Variants in LTN1 observed in about 807,000 individuals in gnomAD.
LTN1 encodes the protein E3 ubiquitin-protein ligase listerin.
LTN1 carries 88 observed loss-of-function variants against 201.2 expected under a neutral mutation model. The observed-to-expected ratio is 0.44, with a 90% CI of 0.37 to 0.52. The LOEUF (loss-of-function observed/expected upper bound fraction) is 0.52, where lower values mean the gene tolerates loss of function less well. Among genes scored for constraint, LTN1 ranks in the 20% least tolerant of loss-of-function variants. LTN1 has a pLI of 0.00. For missense variants in LTN1, 1,752 were observed against 2,038.7 expected, an observed-to-expected ratio of 0.86 and a Z score of 2.71; for synonymous variants, 645 against 713.5, an observed-to-expected ratio of 0.90 and a Z score of 1.53.
chr21:28,988,458 C>T (rs2084718275), intron 1 of LTN1, among the ~76,000 whole-genome samples: 1 of 144,890 alleles, frequency 6.9e-6, no homozygotes, highest in African/African-American at 2.7e-5. Context: ...CAGAGCGAGG[C>T]TCTGTCTCAA....
intron 3 of LTN1, 79 bp from the exon 4 acceptor site, chr21:28,985,001 G>A: frequency 1.1e-6 from 1 of 942,220 alleles, no homozygotes; most frequent in Non-Finnish European, 1.6e-6. Flanking sequence ...ATGCTATAAT[G>A]ACCCATTACC....
At chr21:28,990,962 A>G (rs1047152388) in intron 1 of LTN1, among the ~76,000 whole-genome samples, 1 of 151,734 alleles carries the variant, frequency 6.6e-6, no homozygotes, top group African/African-American at 2.4e-5. Flanking sequence ...CCTGGGCAAC[A>G]TGGCAAAACT....
chr21:28,945,724 A>T, intron 21 of LTN1, 83 bp downstream of exon 21: 3 of 1,263,728 alleles, frequency 2.4e-6, no homozygotes, highest in Non-Finnish European at 3.3e-6. Context: ...ATCATCACTT[A>T]AAGAATGAGA....
intron 18 of LTN1, among the ~76,000 whole-genome samples, chr21:28,949,494 G>A (rs984805039): frequency 1.3e-5 from 2 of 152,012 alleles, no homozygotes; most frequent in African/African-American, 2.4e-5. Flanking sequence ...CCACTAACAC[G>A]AATGCTCCAT....
chr21:28,935,008 T>C, intron 27 of LTN1, 101 bp downstream of exon 27: 1 of 813,070 alleles, frequency 1.2e-6, no homozygotes, highest in Non-Finnish European at 2.0e-6. Context: ...CCAGTTTCTA[T>C]AAATTCTGAG....
intron 14 of LTN1, among the ~76,000 whole-genome samples, chr21:28,958,165 C>G (rs2084442035): frequency 2.6e-5 from 4 of 151,954 alleles, no homozygotes; most frequent in Admixed American, 2.0e-4. Flanking sequence ...TTTCATTTCT[C>G]TTTTTTTTAA....
At chr21:28,957,098 C>A in intron 15 of LTN1, 150 bp from the exon 16 acceptor site, 1 of 666,966 alleles carries the variant, frequency 1.5e-6, no homozygotes, top group East Asian at 2.8e-5. Flanking sequence ...ATGTGTATTT[C>A]TTTAAGACTC....
intron 11 of LTN1, among the ~76,000 whole-genome samples, chr21:28,963,023 G>A (rs2084492244): frequency 6.6e-6 from 1 of 152,200 alleles, no homozygotes; most frequent in African/African-American, 2.4e-5. Flanking sequence ...CACAAGAAAA[G>A]ACTGACGCTA....
At chr21:28,984,039 ATC>A (rs1356537560) in intron 4 of LTN1, among the ~76,000 whole-genome samples, 1 of 152,158 alleles carries the variant, frequency 6.6e-6, no homozygotes, top group Non-Finnish European at 1.5e-5. Flanking sequence ...GAGAAACTTT[ATC>A]TGAAAATGGG....
intron 18 of LTN1, among the ~76,000 whole-genome samples, chr21:28,950,786 T>C (rs188995873): frequency 5.7e-4 from 87 of 152,312 alleles, no homozygotes; most frequent in African/African-American, 2.1e-3. Context: ...AGTGCTGGGA[T>C]TACAGGCATA....
chr21:28,981,511 G>A lies in LTN1; in HGVS notation c.630-212C>T, dbSNP rs116985583. Among the ~76,000 whole-genome samples, 123 of 152,174 alleles carry A rather than the reference G, an allele frequency of 8.1e-4. 1 individual carries two copies. Among genetic ancestry groups the A allele is most frequent in the Non-Finnish European group, 1.3e-3 (90 of 68,008 alleles). On this transcript the variant is annotated intron_variant, in intron 5 of 29. Coordinates refer to ENST00000361371, the MANE Select transcript of LTN1 (RefSeq NM_015565.3). ...CTACTAATACAAGGTGAAAGTAGAC[G>A]AAAAGCCAAGGCTTGCAATAAGTGA...
At chr21:28,964,568 T>A in intron 11 of LTN1, 1 of 1,514,014 alleles carries the variant, frequency 6.6e-7, no homozygotes, top group Non-Finnish European at 8.9e-7. Flanking sequence ...GGTGTGGAAC[T>A]GAACTTACGA....
In LTN1 at chr21:28,944,442, T is replaced by G; in HGVS notation, c.3923A>C (p.Lys1308Thr). Residue 1308 changes from lysine to threonine, a missense_variant, in exon 22 of 30, where the codon AAA (lysine) becomes ACA (threonine). By Grantham distance (78) the Lys-to-Thr change is moderately conservative. Coordinates refer to ENST00000361371, the MANE Select transcript of LTN1 (RefSeq NM_015565.3). ...NLPVNLISEWKEFFSQGIHSL... is the reference protein window; with the variant it reads ...NLPVNLISEWTEFFSQGIHSL... Reference sequence around the variant, plus strand: ...GTGGATGCCTTGGGAAAAAAATTCTTTCCATTCACTGATTAGATTTACAGG... The same window carrying G: ...GTGGATGCCTTGGGAAAAAAATTCTGTCCATTCACTGATTAGATTTACAGG... 1 of 1,614,030 alleles carries G rather than the reference T, an allele frequency of 6.2e-7. No individual in the cohort carries two copies. Among genetic ancestry groups the G allele is most frequent in the Non-Finnish European group, 8.5e-7 (1 of 1,179,952 alleles).
chr21:28,966,780 C>G lies in LTN1; in HGVS notation c.1711G>C (p.Glu571Gln). Residue 571 changes from glutamate to glutamine, a missense_variant, in exon 10 of 30, where the codon GAA (glutamate) becomes CAA (glutamine). Physicochemically the swap from Glu to Gln is conservative, Grantham distance 29. Around this residue, in one of 3 missense-constraint regions of LTN1, gnomAD observed 1,211 missense variants for 1,312.8 expected, o/e 0.92. Coordinates refer to ENST00000361371, the MANE Select transcript of LTN1 (RefSeq NM_015565.3). Reference sequence around the variant, plus strand: ...GAAGAATTATGAGTGAGAGAAGGTTCAGTTGTTAATTCCCAGCCTTCAATC... The same window carrying G: ...GAAGAATTATGAGTGAGAGAAGGTTGAGTTGTTAATTCCCAGCCTTCAATC... The part of the protein sequence containing the change: ...EKIEGWELTT[E>Q]PSLTHNSSGL... 6.2e-7 allele frequency: 1 copy of G among 1,613,758 alleles called. No homozygotes were observed. Among genetic ancestry groups the G allele is most frequent in the Non-Finnish European group, 8.5e-7 (1 of 1,179,916 alleles).
chr21:28,959,130 T>A (rs1255084228), intron 13 of LTN1, among the ~76,000 whole-genome samples: 1 of 152,210 alleles, frequency 6.6e-6, no homozygotes, highest in Non-Finnish European at 1.5e-5. Context: ...AGGGATATTA[T>A]TATCCCCCTT....
intron 18 of LTN1, among the ~76,000 whole-genome samples, chr21:28,948,049 G>A (rs532507496): frequency 1.5e-4 from 23 of 150,682 alleles, no homozygotes; most frequent in African/African-American, 4.9e-4. Flanking sequence ...AAAATCAGCC[G>A]GGTGTGGTGG....
At chr21:28,976,963 C>T (rs944543264) in intron 6 of LTN1, among the ~76,000 whole-genome samples, 1 of 152,172 alleles carries the variant, frequency 6.6e-6, no homozygotes, top group Non-Finnish European at 1.5e-5. Flanking sequence ...CTATGTCATG[C>T]AGGCTGGTCT....
rs901573744 is a variant in LTN1 at position 28,992,754 on chromosome 21, C to T, written c.42+10G>A. On this transcript the variant is annotated intron_variant, in intron 1 of 29. Transcript: ENST00000361371. Reference sequence around the variant, plus strand: ...AGGCTCCCGGGTCGGCCGAGCCAGCCCCCGCTCACCCTCAGGTTCCCTTTA... The same window carrying T: ...AGGCTCCCGGGTCGGCCGAGCCAGCTCCCGCTCACCCTCAGGTTCCCTTTA... 9.3e-6 allele frequency: 15 copies of T among 1,613,938 alleles called. No homozygotes were observed. Among genetic ancestry groups the T allele is most frequent in the Non-Finnish European group, 1.3e-5 (15 of 1,179,974 alleles).
chr21:28,932,358 T>C, intron 28 of LTN1, 112 bp downstream of exon 28: 1 of 876,326 alleles, frequency 1.1e-6, no homozygotes, highest in Non-Finnish European at 1.8e-6. Flanking sequence ...CCAAGGAAGT[T>C]TAATATCTAC....
Sources: allele counts gnomAD v4.1 joint callset (sites outside exome capture counted in the v4.1 genomes callset), GRCh38; gene constraint gnomAD v4.1.1; regional missense constraint gnomAD v4.1.1; transcripts MANE v1.5; gene names NCBI Gene and HGNC (gene_info 2026-07-23, HGNC 2026-07-21).